Variants in KCND2 observed in about 807,000 individuals in gnomAD.
KCND2 encodes the protein A-type voltage-gated potassium channel KCND2.
Under a neutral mutation model 54.4 loss-of-function variants are expected in KCND2, and 16 were observed. That is an observed-to-expected ratio of 0.29 (90% CI 0.20 to 0.45). KCND2 has a LOEUF of 0.45. Ranked by LOEUF, KCND2 falls within the 20% of genes least tolerant of loss-of-function variation. KCND2 has a pLI of 1.00. For missense variants in KCND2, 486 were observed against 824.2 expected (o/e 0.59, Z 5.02); for synonymous variants, 317 against 310.7 (o/e 1.02, Z -0.21).
At chr7:120,572,770 G>A (rs960545416) in intron 1 of KCND2, among the ~76,000 whole-genome samples, 2 of 152,182 alleles carry the variant, frequency 1.3e-5, no homozygotes, top group Non-Finnish European at 2.9e-5. Context: ...TGATCCACCC[G>A]CCTTGGCATC....
chr7:120,349,538 A>T (rs1274280773), intron 1 of KCND2, among the ~76,000 whole-genome samples: 1 of 151,900 alleles, frequency 6.6e-6, no homozygotes, highest in Non-Finnish European at 1.5e-5. Context: ...CAATTTTGGA[A>T]TTTTTTTTTC....
chr7:120,456,644 A>C lies in KCND2; in HGVS notation c.1115+180897A>C, dbSNP rs1802205088. ...TAACATGTATAAAGCAGCACAGTAA[A>C]AATATACTTACTCTGCTATTTCACC... On this transcript the variant is annotated intron_variant, in intron 1 of 5. Transcript: ENST00000331113. Among the ~76,000 whole-genome samples, 3 of 152,216 alleles carry C rather than the reference A, an allele frequency of 2.0e-5. No individual in the cohort carries two copies. The South Asian group carries it at 6.2e-4, about 32-fold the overall frequency.
At chr7:120,400,165 C>T (rs1358559953) in intron 1 of KCND2, among the ~76,000 whole-genome samples, 1 of 152,142 alleles carries the variant, frequency 6.6e-6, no homozygotes, top group Non-Finnish European at 1.5e-5. Flanking sequence ...TGACTATTAA[C>T]ATGACTCTTT....
intron 1 of KCND2, among the ~76,000 whole-genome samples, chr7:120,532,956 T>C (rs1008241988): frequency 3.3e-5 from 5 of 152,086 alleles, no homozygotes; most frequent in Admixed American, 2.6e-4. Flanking sequence ...TGAAAGGATA[T>C]AAAGTAAATT....
chr7:120,382,740 T>G (rs1305146959), intron 1 of KCND2, among the ~76,000 whole-genome samples: 1 of 151,916 alleles, frequency 6.6e-6, no homozygotes, highest in African/African-American at 2.4e-5. Flanking sequence ...TTTACTATAC[T>G]ATTGTGAATA....
At chr7:120,337,164 A>G (rs1800163590) in intron 1 of KCND2, among the ~76,000 whole-genome samples, 1 of 152,170 alleles carries the variant, frequency 6.6e-6, no homozygotes, top group South Asian at 2.1e-4. Flanking sequence ...ATACGATTTA[A>G]TTTTGAAACA....
intron 1 of KCND2, among the ~76,000 whole-genome samples, chr7:120,301,412 C>T (rs1025536645): frequency 4.6e-5 from 7 of 152,138 alleles, no homozygotes; most frequent in South Asian, 2.1e-4. Flanking sequence ...AGGTAAATGT[C>T]GAATTTCTCC....
intron 1 of KCND2, among the ~76,000 whole-genome samples, chr7:120,484,552 C>G (rs1802662860): frequency 6.6e-6 from 1 of 151,274 alleles, no homozygotes; most frequent in Non-Finnish European, 1.5e-5. Context: ...TATGGCCCCT[C>G]ATTTTACTAC....
intron 1 of KCND2, among the ~76,000 whole-genome samples, chr7:120,405,361 A>G (rs1255951305): frequency 1.3e-5 from 2 of 152,130 alleles, no homozygotes; most frequent in Non-Finnish European, 2.9e-5. Flanking sequence ...TTCTCCTGAC[A>G]TTTCTTCAGG....
intron 1 of KCND2, among the ~76,000 whole-genome samples, chr7:120,396,218 A>C (rs572188899): frequency 6.6e-6 from 1 of 152,036 alleles, no homozygotes; most frequent in African/African-American, 2.4e-5. Flanking sequence ...TGACCTAAAC[A>C]TATATCCTGT....
chr7:120,332,913 C>T (rs1800088810), intron 1 of KCND2, among the ~76,000 whole-genome samples: 1 of 152,070 alleles, frequency 6.6e-6, no homozygotes, highest in Admixed American at 6.5e-5. Flanking sequence ...TAAGCAAACT[C>T]TTATCCAAGA....
chr7:120,465,745 AATGATGTGAGC>A (rs1802359402), intron 1 of KCND2, among the ~76,000 whole-genome samples: 1 of 152,200 alleles, frequency 6.6e-6, no homozygotes, highest in Non-Finnish European at 1.5e-5. Flanking sequence ...AGTTAAACTA[AATGATGTGAGC>A]ATCACCTTGT....
intron 1 of KCND2, among the ~76,000 whole-genome samples, chr7:120,583,886 GA>G (rs917267677): frequency 4.6e-5 from 7 of 151,550 alleles, no homozygotes; most frequent in Non-Finnish European, 8.8e-5. Context: ...CTTTGAGGAA[GA>G]AAAAAAAGAA....
chr7:120,664,166 T>C (rs1186474842), intron 1 of KCND2, among the ~76,000 whole-genome samples: 2 of 152,112 alleles, frequency 1.3e-5, no homozygotes, highest in Non-Finnish European at 2.9e-5. Context: ...TTCTGTGTTT[T>C]AGTTTTGTTG....
intron 1 of KCND2, among the ~76,000 whole-genome samples, chr7:120,671,545 C>T (rs910218949): frequency 6.6e-6 from 1 of 152,040 alleles, no homozygotes; most frequent in Admixed American, 6.5e-5. Context: ...TAAGCCAACT[C>T]ACTGTACAAC....
rs143935844 is a variant in KCND2, at chr7:120,535,229, C to T, written c.1116-197674C>T. On this transcript the variant is annotated intron_variant, in intron 1 of 5. Transcript: ENST00000331113. ...TAACAATATATACACATTCTGTGCACTTTTCTCATCTGACATACATAGCTT... is the reference window on the plus strand; with the variant it reads ...TAACAATATATACACATTCTGTGCATTTTTCTCATCTGACATACATAGCTT... Among the ~76,000 whole-genome samples the T allele has an allele frequency of 5.3e-3, 811 of 152,264 alleles. 4 individuals carry two copies. The highest frequency in any genetic ancestry group is 0.018 in the African/African-American group (748 of 41,566).
intron 1 of KCND2, among the ~76,000 whole-genome samples, chr7:120,332,980 A>C (rs1007852885): frequency 6.6e-6 from 1 of 152,130 alleles, no homozygotes. Context: ...GTTTAAAATT[A>C]TTTAGATCCA....
At chr7:120,595,071 A>G (rs373777335) in intron 1 of KCND2, among the ~76,000 whole-genome samples, 2 of 151,930 alleles carry the variant, frequency 1.3e-5, no homozygotes, top group East Asian at 1.9e-4. Flanking sequence ...GATGTGTCAT[A>G]AGTACCTAGC....
intron 1 of KCND2, among the ~76,000 whole-genome samples, chr7:120,317,349 T>G (rs544860647): frequency 6.6e-6 from 1 of 152,182 alleles, no homozygotes; most frequent in Non-Finnish European, 1.5e-5. Context: ...GTATTAATAT[T>G]TCATTAACCT....
Sources: gnomAD v4.1 joint callset for allele counts (sites outside exome capture counted in the v4.1 genomes callset) on GRCh38, gnomAD v4.1.1 for gene constraint, MANE v1.5 for transcripts, NCBI Gene and HGNC (gene_info 2026-07-23, HGNC 2026-07-21) for gene names.